The following VPS37A variants were observed in gnomAD, a reference collection of about 807,000 sequenced individuals.
The protein encoded by VPS37A is VPS37A subunit of ESCRT-I.
In VPS37A, 30 loss-of-function variants were observed where a neutral mutation model predicts 49.8. The observed-to-expected ratio is 0.60, with a 90% CI of 0.45 to 0.82. The LOEUF (loss-of-function observed/expected upper bound fraction) is 0.82. Ranked by LOEUF, VPS37A falls within the 40% of genes least tolerant of loss-of-function variation. The pLI is 0.00. For synonymous variants in VPS37A, 195 were observed against 160.6 expected (o/e 1.21, Z -1.62); for missense variants, 593 against 464.4 (o/e 1.28, Z -2.55).
intron 1 of VPS37A, chr8:17,247,628 A>G: frequency 1.4e-6 from 1 of 704,886 alleles, no homozygotes; most frequent in Non-Finnish European, 2.6e-6. Flanking sequence ...ATAGCTGCTG[A>G]CTGTAATCTC....
At chr8:17,259,019 G>C (rs1812740298) in intron 1 of VPS37A, among the ~76,000 whole-genome samples, 1 of 151,926 alleles carries the variant, frequency 6.6e-6, no homozygotes, top group Non-Finnish European at 1.5e-5. Context: ...CTAAAGGCTT[G>C]ATGATTTTAT....
At chr8:17,333,321 T>C in the VPS37A span, among the ~76,000 whole-genome samples, 2 of 152,242 alleles carry the variant, frequency 1.3e-5, no homozygotes, top group African/African-American at 4.8e-5. Flanking sequence ...GGGAAAACTT[T>C]TGTAAAATTA....
the VPS37A span, chr8:17,311,776 C>A: frequency 2.2e-6 from 3 of 1,337,394 alleles, no homozygotes; most frequent in Non-Finnish European, 3.1e-6. Flanking sequence ...TGTTTAGGGC[C>A]CCCCCTAATT....
downstream of VPS37A, chr8:17,305,805 T>A: frequency 2.5e-6 from 4 of 1,613,614 alleles, no homozygotes; most frequent in Non-Finnish European, 3.4e-6. Flanking sequence ...GTTTCCAAAC[T>A]GGCAGGAATA....
downstream of VPS37A, among the ~76,000 whole-genome samples, chr8:17,303,604 T>C (rs1442956142): frequency 8.6e-6 from 1 of 116,598 alleles, no homozygotes; most frequent in East Asian, 2.8e-4. Context: ...TCCCCATACA[T>C]ACAATCTTTT....
intron 1 of VPS37A, among the ~76,000 whole-genome samples, chr8:17,261,789 C>T (rs1434289675): frequency 2.0e-5 from 3 of 152,148 alleles, no homozygotes; most frequent in South Asian, 2.1e-4. Context: ...ACGGTTCCTG[C>T]CCATGGTTTC....
At chr8:17,311,772 G>T in the VPS37A span, 1 of 1,375,938 alleles carries the variant, frequency 7.3e-7, no homozygotes, top group Non-Finnish European at 9.9e-7. Flanking sequence ...CGTCTGTTTA[G>T]GGCCCCCCCT....
At chr8:17,251,486 G>C (rs994260671) in intron 1 of VPS37A, among the ~76,000 whole-genome samples, 1 of 152,168 alleles carries the variant, frequency 6.6e-6, no homozygotes, top group Non-Finnish European at 1.5e-5. Context: ...CTACTGCATA[G>C]AATCAGTGTG....
At chr8:17,303,245 A>C (rs1015808559), downstream of VPS37A, among the ~76,000 whole-genome samples, 3 of 152,196 alleles carry the variant, frequency 2.0e-5, no homozygotes, top group African/African-American at 7.2e-5. Flanking sequence ...CCAACTGGTC[A>C]TATCTCAACA....
chr8:17,255,780 A>T (rs1283714425), intron 1 of VPS37A, among the ~76,000 whole-genome samples: 13 of 152,148 alleles, frequency 8.5e-5, no homozygotes, highest in Admixed American at 8.5e-4. Context: ...TAGCTTTCAC[A>T]TATGCAATGT....
downstream of VPS37A, chr8:17,300,422 T>A (rs546346347): frequency 6.7e-6 from 4 of 597,490 alleles, no homozygotes; most frequent in South Asian, 6.8e-5. Flanking sequence ...AATGTAAGGA[T>A]AATACCTGCC....
chr8:17,286,118 A>G (rs577649584), intron 10 of VPS37A, among the ~76,000 whole-genome samples: 50 of 152,300 alleles, frequency 3.3e-4, no homozygotes, highest in Admixed American at 3.1e-3. Context: ...GATGACAGGC[A>G]TGTCTCATGT....
chr8:17,316,904 AGG>A, the VPS37A span, among the ~76,000 whole-genome samples: 1 of 152,074 alleles, frequency 6.6e-6, no homozygotes, highest in Non-Finnish European at 1.5e-5. Flanking sequence ...TTGGATACTG[AGG>A]GATGACTCTA....
the VPS37A span, among the ~76,000 whole-genome samples, chr8:17,315,514 T>C: frequency 6.6e-6 from 1 of 152,200 alleles, no homozygotes; most frequent in Non-Finnish European, 1.5e-5. Context: ...CACAACAATG[T>C]ACCACTCCGT....
At chr8:17,253,664 T>C (rs746661596) in intron 1 of VPS37A, among the ~76,000 whole-genome samples, 9 of 152,240 alleles carry the variant, frequency 5.9e-5, no homozygotes, top group Non-Finnish European at 1.2e-4. Context: ...AACTCAGATA[T>C]TATTTTTTCC....
chr8:17,302,022 T>C, downstream of VPS37A: 3 of 1,173,936 alleles, frequency 2.6e-6, no homozygotes, highest in South Asian at 4.3e-5. Flanking sequence ...TGGATGGGGT[T>C]GTGTTTCAGG....
In VPS37A at chr8:17,297,845, A is replaced by C. The variant is rs1241713130; in HGVS notation, c.*2859A>C. On this transcript the variant is annotated 3_prime_UTR_variant, in exon 12 of 12. Coordinates refer to ENST00000324849, the MANE Select transcript of VPS37A (RefSeq NM_152415.3). ...TTATATAAATCTCAGTGCTAGGTTA[A>C]CTTCTAATAAGCAGACGAACATGTT... 6.9e-6 allele frequency: 1 copy of C among 144,608 alleles called. No homozygotes were observed. The highest frequency in any genetic ancestry group is 1.5e-5 in the Non-Finnish European group (1 of 66,512). The allele number at this position is 144,608 out of a possible 1,614,324, so 9.0% of individuals were successfully genotyped here. A position where few individuals can be genotyped will look rare whatever the true frequency, so the allele number is the denominator to read the frequency against.
rs907080055 is a variant in VPS37A at position 17,274,719 on chromosome 8, C to G, written c.417-14C>G. ...ATAAAATCTAATGTAATGATCTTCT[C>G]TTTTTCTTTTCAGTCTATACAGTAA... is the stretch of plus-strand genomic sequence containing the variant. On this transcript the variant is annotated splice_polypyrimidine_tract_variant and intron_variant, in intron 4 of 11. Coordinates refer to ENST00000324849, the MANE Select transcript of VPS37A (RefSeq NM_152415.3). 1 of 1,593,352 alleles carries G rather than the reference C, an allele frequency of 6.3e-7. No individual in the cohort carries two copies. Among genetic ancestry groups the G allele is most frequent in the Non-Finnish European group, 8.6e-7 (1 of 1,163,578 alleles).
intron 11 of VPS37A, among the ~76,000 whole-genome samples, chr8:17,291,243 C>T (rs894142880): frequency 6.6e-6 from 1 of 152,096 alleles, no homozygotes; most frequent in Admixed American, 6.6e-5. Context: ...GAACTCCTGA[C>T]CTCAGGTGAT....
Sources: gnomAD v4.1 joint callset for allele counts (sites outside exome capture counted in the v4.1 genomes callset) on GRCh38, gnomAD v4.1.1 for gene constraint, MANE v1.5 for transcripts, NCBI Gene and HGNC (gene_info 2026-07-23, HGNC 2026-07-21) for gene names.